Variants in RCBTB1 observed in about 807,000 individuals in gnomAD.
The protein encoded by RCBTB1 is RCC1 and BTB domain-containing protein 1.
A neutral mutation model predicts 62.4 loss-of-function variants in RCBTB1; 46 were observed. The observed-to-expected ratio is 0.74, with a 90% CI of 0.58 to 0.94. RCBTB1 has a LOEUF of 0.94. Among genes scored for constraint, RCBTB1 ranks in the 40% least tolerant of loss-of-function variants. The pLI, the probability that RCBTB1 is intolerant of heterozygous loss-of-function variation, is 0.00. For synonymous variants in RCBTB1, 222 were observed against 245.8 expected, an observed-to-expected ratio of 0.90 and a Z score of 0.91; for missense variants, 565 against 654.9, an observed-to-expected ratio of 0.86 and a Z score of 1.50.
At chr13:49,548,882 G>GGTC in intron 9 of RCBTB1, among the ~76,000 whole-genome samples, 1 of 93,610 alleles carries the variant, frequency 1.1e-5, no homozygotes, top group South Asian at 4.3e-4. Flanking sequence ...ATAAAGGGTG[G>GGTC]ATGTAGGCCA....
intron 4 of RCBTB1, among the ~76,000 whole-genome samples, chr13:49,564,562 A>AC (rs1962750188): frequency 1.9e-5 from 2 of 104,884 alleles, no homozygotes; most frequent in Admixed American, 2.4e-4. Flanking sequence ...TCCAGCCTGG[A>AC]GACAGAGCGA....
At chr13:49,582,008 A>G (rs898274992) in intron 1 of RCBTB1, among the ~76,000 whole-genome samples, 2 of 152,284 alleles carry the variant, frequency 1.3e-5, no homozygotes, top group Non-Finnish European at 2.9e-5. Flanking sequence ...GAGAAATCGC[A>G]TAGTAATCAC....
intron 1 of RCBTB1, among the ~76,000 whole-genome samples, chr13:49,582,684 C>T (rs1356939710): frequency 6.6e-6 from 1 of 152,132 alleles, no homozygotes; most frequent in African/African-American, 2.4e-5. Flanking sequence ...ATTTTACATG[C>T]CCACCGGCAA....
chr13:49,557,757 C>CA (rs11378020), intron 5 of RCBTB1, among the ~76,000 whole-genome samples: 36,676 of 150,736 alleles, frequency 0.24, 5,701 homozygotes, highest in African/African-American at 0.44. Flanking sequence ...CTTGTCTCTA[C>CA]AAAAAAAAAT....
chr13:49,577,448 A>C (rs1344252623), intron 2 of RCBTB1, among the ~76,000 whole-genome samples: 2 of 152,214 alleles, frequency 1.3e-5, no homozygotes, highest in African/African-American at 2.4e-5. Flanking sequence ...CAACAGTGGA[A>C]ATTTAGGGTT....
chr13:49,571,256 G>T (rs112387346), intron 2 of RCBTB1, among the ~76,000 whole-genome samples: 141 of 152,244 alleles, frequency 9.3e-4, no homozygotes, highest in African/African-American at 3.2e-3. Context: ...TGAGGCAGGA[G>T]AATCGCTTGA....
intron 9 of RCBTB1, among the ~76,000 whole-genome samples, chr13:49,545,848 G>A (rs1566221565): frequency 6.6e-6 from 1 of 152,156 alleles, no homozygotes. Context: ...AACTCCTAGA[G>A]GAGGGACAAC....
chr13:49,553,492 C>T (rs1360834631), intron 6 of RCBTB1, among the ~76,000 whole-genome samples: 4 of 151,912 alleles, frequency 2.6e-5, no homozygotes, highest in Non-Finnish European at 5.9e-5. Flanking sequence ...CGTGACAGTC[C>T]CTTGGATATA....
At chr13:49,560,467 C>T (rs1017572805) in intron 4 of RCBTB1, among the ~76,000 whole-genome samples, 3 of 152,126 alleles carry the variant, frequency 2.0e-5, no homozygotes, top group Non-Finnish European at 4.4e-5. Context: ...AACCAAATAC[C>T]AAGTCACGGG....
At chr13:49,583,688 A>G (rs1964232919) in intron 1 of RCBTB1, among the ~76,000 whole-genome samples, 1 of 152,038 alleles carries the variant, frequency 6.6e-6, no homozygotes, top group South Asian at 2.1e-4. Context: ...CTGGGACTAC[A>G]GGCGCACACC....
intron 5 of RCBTB1, among the ~76,000 whole-genome samples, chr13:49,556,097 T>A (rs1392396827): frequency 6.6e-6 from 1 of 152,182 alleles, no homozygotes; most frequent in Non-Finnish European, 1.5e-5. Context: ...AAATGCGGTA[T>A]ATGCCACATA....
intron 2 of RCBTB1, among the ~76,000 whole-genome samples, chr13:49,578,932 C>A (rs554496394): frequency 6.6e-6 from 1 of 152,132 alleles, no homozygotes; most frequent in African/African-American, 2.4e-5. Flanking sequence ...GAGAGCTCTA[C>A]GGTTTGGGGT....
rs1566235157 is a variant in RCBTB1, at chr13:49,553,407, A to C, written c.604-1122T>G. Among the ~76,000 whole-genome samples the C allele has an allele frequency of 2.6e-5, 4 of 152,164 alleles. No homozygotes were observed. The South Asian group carries it at 6.2e-4, about 24-fold the overall frequency. On this transcript the variant is annotated intron_variant, in intron 6 of 12. Coordinates refer to ENST00000378302, the MANE Select transcript of RCBTB1 (RefSeq NM_018191.4). ...AATAGGTGAGCTCTGATGAGGCTCTAAACTAAGGAGTGATAGGGGGATCAT... is the reference window on the plus strand; with the variant it reads ...AATAGGTGAGCTCTGATGAGGCTCTCAACTAAGGAGTGATAGGGGGATCAT...
At chr13:49,535,976 TCA>T in intron 12 of RCBTB1, among the ~76,000 whole-genome samples, 1 of 148,504 alleles carries the variant, frequency 6.7e-6, no homozygotes, top group South Asian at 2.1e-4. Flanking sequence ...TGAGCCGAGA[TCA>T]TGCCACTGCA....
At chr13:49,547,157 C>T (rs980995404) in intron 9 of RCBTB1, 67 of 1,233,396 alleles carry the variant, frequency 5.4e-5, no homozygotes, top group Non-Finnish European at 6.6e-5. Flanking sequence ...AATTATTTTC[C>T]AATCACAATA....
At chr13:49,553,882 A>T (rs1241109625) in intron 6 of RCBTB1, among the ~76,000 whole-genome samples, 1 of 152,252 alleles carries the variant, frequency 6.6e-6, no homozygotes, top group East Asian at 1.9e-4. Flanking sequence ...TTGGAAATTT[A>T]TTCTATAGAA....
Position 49,544,423 on chromosome 13 carries a change from C to T in RCBTB1, c.1172+314G>A, listed in dbSNP as rs536090366. On this transcript the variant is annotated intron_variant, in intron 10 of 12. Transcript: ENST00000378302. ...GGCAGAGGTTGCGGTGAGCTGAGAT[C>T]GTGCCACTGCACTCCAGCCTGAGCA... Among the ~76,000 whole-genome samples the T allele has an allele frequency of 3.9e-5, 6 of 152,262 alleles. No homozygotes were observed. The East Asian group carries it at 7.7e-4, about 20-fold the overall frequency.
At position 49,532,586 on chromosome 13, in the gene RCBTB1, T is replaced by G. The variant is rs2139097499; in HGVS notation, c.*1536A>C. 1 of 152,612 alleles carries G rather than the reference T, an allele frequency of 6.6e-6. No individual in the cohort carries two copies. The highest frequency in any genetic ancestry group is 1.9e-4 in the East Asian group (1 of 5,186). The allele number at this position is 152,612 out of a possible 1,614,324, so 9.5% of individuals were successfully genotyped here. A position where few individuals can be genotyped will look rare whatever the true frequency, so the allele number is the denominator to read the frequency against. The stretch of plus-strand genomic sequence containing the variant: ...TGGGCTTCAATCACTTGTGATATGG[T>G]CAAGAAAAGGGGGCTGGGGCTCCTA... On this transcript the variant is annotated 3_prime_UTR_variant, in exon 13 of 13. Transcript: ENST00000378302.
chr13:49,560,505 G>T (rs568030688), intron 4 of RCBTB1, among the ~76,000 whole-genome samples: 136 of 152,184 alleles, frequency 8.9e-4, no homozygotes, highest in African/African-American at 3.1e-3. Context: ...GTGGCTACTC[G>T]CTCACCAAGT....
Sources: gnomAD v4.1 joint callset for allele counts (sites outside exome capture counted in the v4.1 genomes callset) on GRCh38, gnomAD v4.1.1 for gene constraint, MANE v1.5 for transcripts, NCBI Gene and HGNC (gene_info 2026-07-23, HGNC 2026-07-21) for gene names.